The following ATP10B variants were observed in gnomAD, a reference collection of about 807,000 sequenced individuals.
The protein encoded by ATP10B is ATPase phospholipid transporting 10B (putative), also known as phospholipid-transporting ATPase VB.
ATP10B carries 122 observed loss-of-function variants against 141.2 expected under a neutral mutation model. The ratio of observed to expected loss-of-function variants is 0.86; its 90% CI spans 0.75 to 1.00. The LOEUF is 1.00. Ranked by LOEUF, ATP10B falls within the 50% of genes least tolerant of loss-of-function variation. ATP10B has a pLI of 0.00. For missense variants in ATP10B, 1,876 were observed against 1,825.3 expected (o/e 1.03, Z -0.51); for synonymous variants, 685 against 692.0 (o/e 0.99, Z 0.16).
chr5:160,652,971 AT>A, intron 7 of ATP10B, among the ~76,000 whole-genome samples: 1 of 90,318 alleles, frequency 1.1e-5, no homozygotes, highest in Non-Finnish European at 1.9e-5. Context: ...ACATGTATAT[AT>A]AATATATACA....
At chr5:160,878,721 C>T in the ATP10B span, among the ~76,000 whole-genome samples, 5,667 of 152,170 alleles carry the variant, frequency 0.037, 206 homozygotes, top group East Asian at 0.16. Flanking sequence ...AAAAAGTGGG[C>T]GAAGGACATG....
chr5:160,796,336 G>A (rs1266113736), intron 1 of ATP10B, among the ~76,000 whole-genome samples: 8 of 152,194 alleles, frequency 5.3e-5, no homozygotes, highest in Admixed American at 5.2e-4. Flanking sequence ...TGTCCAAGAA[G>A]CTATGGAGAG....
chr5:160,850,235 G>A (rs905181505), intron 1 of ATP10B, among the ~76,000 whole-genome samples: 10 of 151,900 alleles, frequency 6.6e-5, no homozygotes, highest in African/African-American at 2.4e-4. Flanking sequence ...GTGAAACTCC[G>A]TCTCTACTAA....
intron 11 of ATP10B, among the ~76,000 whole-genome samples, chr5:160,635,787 G>A (rs984669374): frequency 5.4e-4 from 82 of 152,178 alleles, no homozygotes; most frequent in African/African-American, 1.9e-3. Flanking sequence ...ACACTAACTC[G>A]TGATTTCTCT....
intron 1 of ATP10B, among the ~76,000 whole-genome samples, chr5:160,817,226 G>A (rs955577467): frequency 1.4e-4 from 21 of 152,214 alleles, no homozygotes; most frequent in African/African-American, 7.2e-5. Context: ...CCTGTTTGCA[G>A]ATGACATGAT....
At chr5:160,785,412 G>A (rs1771063507) in intron 2 of ATP10B, 147 bp downstream of exon 2, 1 of 335,498 alleles carries the variant, frequency 3.0e-6, no homozygotes. Flanking sequence ...GGAAGAGATA[G>A]CGGTGGTGTT....
At chr5:160,749,728 A>G (rs1366229419) in intron 2 of ATP10B, among the ~76,000 whole-genome samples, 1 of 152,222 alleles carries the variant, frequency 6.6e-6, no homozygotes, top group Non-Finnish European at 1.5e-5. Flanking sequence ...GTGGACCACT[A>G]GAAGATGATG....
intron 20 of ATP10B, 47 bp downstream of exon 20, chr5:160,603,918 T>A: frequency 1.3e-6 from 2 of 1,535,056 alleles, no homozygotes; most frequent in Non-Finnish European, 9.0e-7. Flanking sequence ...TTTCCTTGTA[T>A]CTCAACTAAG....
At chr5:160,873,589 A>G in the ATP10B span, among the ~76,000 whole-genome samples, 2 of 152,208 alleles carry the variant, frequency 1.3e-5, no homozygotes, top group South Asian at 4.1e-4. Flanking sequence ...GCGACACAGA[A>G]GACGGGTGAT....
At chr5:160,890,506 A>G in the ATP10B span, among the ~76,000 whole-genome samples, 1 of 151,616 alleles carries the variant, frequency 6.6e-6, no homozygotes, top group African/African-American at 2.4e-5. Context: ...GGATTTGACT[A>G]TTCTGGATAT....
At chr5:160,584,496 C>A (rs933289035) in intron 24 of ATP10B, among the ~76,000 whole-genome samples, 2 of 152,126 alleles carry the variant, frequency 1.3e-5, no homozygotes, top group Non-Finnish European at 2.9e-5. Context: ...GCCAGCCACC[C>A]CTGCTCTCAT....
chr5:160,890,980 T>C, the ATP10B span, among the ~76,000 whole-genome samples: 1 of 148,828 alleles, frequency 6.7e-6, no homozygotes, highest in South Asian at 2.1e-4. Flanking sequence ...GCTATGACCA[T>C]TTGTTTACGT....
At chr5:160,649,381 G>T in intron 7 of ATP10B, 125 bp from the exon 8 acceptor site, 1 of 696,928 alleles carries the variant, frequency 1.4e-6, no homozygotes, top group Non-Finnish European at 2.4e-6. Context: ...GTCACACTTT[G>T]ATAGTTGTAA....
intron 2 of ATP10B, among the ~76,000 whole-genome samples, chr5:160,733,665 TTA>T (rs34394968): frequency 0.78 from 115,752 of 148,344 alleles, 45,067 homozygotes; most frequent in South Asian, 0.83. Context: ...ATATGTAACG[TTA>T]TATATATATA....
chr5:160,632,060 A>G (rs1758971503), intron 13 of ATP10B, 69 bp downstream of exon 13: 1 of 1,445,722 alleles, frequency 6.9e-7, no homozygotes, highest in Non-Finnish European at 9.4e-7. Flanking sequence ...TTTCTTTTTC[A>G]CATTCCAGAG....
chr5:160,752,154 C>T (rs1768195999), intron 2 of ATP10B, among the ~76,000 whole-genome samples: 2 of 148,478 alleles, frequency 1.3e-5, no homozygotes, highest in South Asian at 2.1e-4. Context: ...ATTCAAACTC[C>T]AGGGGGCAAG....
intron 24 of ATP10B, among the ~76,000 whole-genome samples, chr5:160,580,810 C>A (rs1326203226): frequency 6.6e-6 from 1 of 152,120 alleles, no homozygotes; most frequent in Non-Finnish European, 1.5e-5. Context: ...GGTTGGTAGG[C>A]TATTAATTAC....
intron 6 of ATP10B, among the ~76,000 whole-genome samples, chr5:160,673,459 A>G (rs1240259473): frequency 6.6e-6 from 1 of 152,214 alleles, no homozygotes; most frequent in East Asian, 1.9e-4. Flanking sequence ...TTAAAAATAT[A>G]TAATTGAATT....
intron 1 of ATP10B, among the ~76,000 whole-genome samples, chr5:160,804,698 A>C (rs982257553): frequency 6.6e-6 from 1 of 152,204 alleles, no homozygotes; most frequent in African/African-American, 2.4e-5. Flanking sequence ...CTCCAGATTC[A>C]GTCATTTTGA....
Sources: allele counts gnomAD v4.1 joint callset (sites outside exome capture counted in the v4.1 genomes callset), GRCh38; gene constraint gnomAD v4.1.1; transcripts MANE v1.5; gene names NCBI Gene and HGNC (gene_info 2026-07-23, HGNC 2026-07-21).